ARSG: variants seen among roughly 807,000 people sequenced by gnomAD.
ARSG encodes ASG.
ARSG carries 37 observed loss-of-function variants against 50.5 expected under a neutral mutation model. That is an observed-to-expected ratio of 0.73 (90% confidence interval 0.56 to 0.96). ARSG has a LOEUF of 0.96. Among genes scored for constraint, ARSG ranks in the 50% least tolerant of loss-of-function variants. ARSG has a pLI of 0.00. For missense variants in ARSG, 629 were observed against 675.3 expected, an observed-to-expected ratio of 0.93 and a Z score of 0.76; for synonymous variants, 225 against 254.6, an observed-to-expected ratio of 0.88 and a Z score of 1.11.
intron 1 of ARSG, among the ~76,000 whole-genome samples, chr17:68,292,303 A>C (rs1480049871): frequency 6.6e-6 from 1 of 152,104 alleles, no homozygotes. Context: ...AGCCCTCTGT[A>C]AGGGACCTGG....
intron 6 of ARSG, among the ~76,000 whole-genome samples, chr17:68,366,454 G>A (rs958793793): frequency 2.0e-5 from 3 of 152,098 alleles, no homozygotes; most frequent in African/African-American, 7.2e-5. Context: ...ATTGTAAGCT[G>A]GAAATAAGGA....
intron 3 of ARSG, 21 bp downstream of exon 3, chr17:68,343,812 C>T (rs762524328): frequency 1.3e-6 from 2 of 1,589,350 alleles, no homozygotes; most frequent in Non-Finnish European, 1.7e-6. Context: ...GCCCCGTCTG[C>T]CTGTTGCATT....
At chr17:68,438,276 C>A in the ARSG span, among the ~76,000 whole-genome samples, 1 of 152,110 alleles carries the variant, frequency 6.6e-6, no homozygotes, top group African/African-American at 2.4e-5. Context: ...GATACAAGGT[C>A]ATTCCTGGCC....
intron 9 of ARSG, among the ~76,000 whole-genome samples, chr17:68,385,571 GGGAGA>G (rs2080677697): frequency 7.6e-6 from 1 of 131,024 alleles, no homozygotes; most frequent in South Asian, 3.2e-4. Flanking sequence ...GGGAGGGGAG[GGGAGA>G]GGAGGGGAGG....
the ARSG span, among the ~76,000 whole-genome samples, chr17:68,446,104 A>G: frequency 6.6e-6 from 1 of 152,182 alleles, no homozygotes; most frequent in Non-Finnish European, 1.5e-5. Context: ...GCTATTCCCC[A>G]AGGAAGACTA....
Position 68,307,570 on chromosome 17 carries a change from G to A in ARSG, c.77G>A (p.Cys26Tyr). Residue 26 changes from cysteine to tyrosine, a missense_variant, in exon 2 of 12, where the codon TGC (cysteine) becomes TAC (tyrosine). Coordinates refer to ENST00000621439, the MANE Select transcript of ARSG (RefSeq NM_001267727.2). Reference sequence around the variant, plus strand: ...TTTCTTTATCCTCTTGTGGATTTTTGCATCAGTGGGAAAACAAGAGGACAG... The same window carrying A: ...TTTCTTTATCCTCTTGTGGATTTTTACATCAGTGGGAAAACAAGAGGACAG... ...SGFLYPLVDF[C>Y]ISGKTRGQKP... 6.2e-7 allele frequency: 1 copy of A among 1,614,066 alleles called. No homozygotes were observed. The highest frequency in any genetic ancestry group is 1.7e-5 in the Admixed American group (1 of 60,004).
chr17:68,264,248 C>A (rs782545316), intron 1 of ARSG, among the ~76,000 whole-genome samples: 6 of 152,176 alleles, frequency 3.9e-5, no homozygotes, highest in African/African-American at 7.2e-5. Context: ...TGATTTGAAT[C>A]TGCGCCACAA....
chr17:68,345,878 T>C (rs577909606), intron 3 of ARSG, among the ~76,000 whole-genome samples: 1 of 152,292 alleles, frequency 6.6e-6, no homozygotes, highest in Admixed American at 6.5e-5. Context: ...TTTCTCTCAA[T>C]CTTTTTTATT....
intron 2 of ARSG, among the ~76,000 whole-genome samples, chr17:68,332,834 T>C (rs1362381722): frequency 6.6e-6 from 1 of 152,184 alleles, no homozygotes; most frequent in Non-Finnish European, 1.5e-5. Flanking sequence ...TCCATGAATT[T>C]TGAAGCTGGT....
chr17:68,398,431 A>G (rs777272835), intron 10 of ARSG, among the ~76,000 whole-genome samples: 19 of 152,224 alleles, frequency 1.2e-4, no homozygotes, highest in Admixed American at 5.2e-4. Context: ...ATACACATAC[A>G]TATGTGTACA....
chr17:68,317,291 C>T (rs1215229820), intron 2 of ARSG, among the ~76,000 whole-genome samples: 1 of 152,058 alleles, frequency 6.6e-6, no homozygotes, highest in African/African-American at 2.4e-5. Flanking sequence ...TTTACAGTAG[C>T]CCAGGTCAAA....
chr17:68,313,105 C>CA (rs571914007), intron 2 of ARSG, among the ~76,000 whole-genome samples: 1 of 151,932 alleles, frequency 6.6e-6, no homozygotes, highest in East Asian at 1.9e-4. Context: ...ACTAAAAATA[C>CA]AAAAAATTAG....
chr17:68,276,905 A>G (rs2075541617), intron 1 of ARSG, among the ~76,000 whole-genome samples: 1 of 152,174 alleles, frequency 6.6e-6, no homozygotes, highest in South Asian at 2.1e-4. Context: ...TAAAAATGAT[A>G]CTGAAGCCCC....
chr17:68,441,853 A>G, the ARSG span, among the ~76,000 whole-genome samples: 1 of 152,214 alleles, frequency 6.6e-6, no homozygotes, highest in African/African-American at 2.4e-5. Flanking sequence ...ACCTTGGGCT[A>G]TATCTCCAAA....
At chr17:68,337,987 T>C (rs1405731653) in intron 2 of ARSG, among the ~76,000 whole-genome samples, 2 of 152,114 alleles carry the variant, frequency 1.3e-5, no homozygotes, top group African/African-American at 4.8e-5. Flanking sequence ...GAAACTTCTG[T>C]TTCAGGCAGG....
chr17:68,349,322 C>G (rs753641194), intron 4 of ARSG, among the ~76,000 whole-genome samples: 3 of 151,990 alleles, frequency 2.0e-5, no homozygotes, highest in Admixed American at 6.6e-5. Flanking sequence ...AAGAAAACAG[C>G]CAATATGTAC....
chr17:68,349,199 G>T (rs1325855595), intron 4 of ARSG, among the ~76,000 whole-genome samples: 3 of 152,140 alleles, frequency 2.0e-5, no homozygotes, highest in African/African-American at 7.2e-5. Flanking sequence ...TTGGGAGGCT[G>T]AGGCAGGGGA....
chr17:68,426,237 G>C, downstream of ARSG: 3 of 1,228,310 alleles, frequency 2.4e-6, no homozygotes, highest in Non-Finnish European at 3.5e-6. Flanking sequence ...CCATGACCTG[G>C]CGGGTGGGGA....
intron 2 of ARSG, among the ~76,000 whole-genome samples, chr17:68,316,845 C>T (rs1416086611): frequency 2.6e-5 from 4 of 152,138 alleles, no homozygotes; most frequent in Non-Finnish European, 5.9e-5. Flanking sequence ...GGCCTGTTTT[C>T]TCAGCGTCTG....
Sources: allele counts gnomAD v4.1 joint callset (sites outside exome capture counted in the v4.1 genomes callset), GRCh38; gene constraint gnomAD v4.1.1; transcripts MANE v1.5; gene names NCBI Gene and HGNC (gene_info 2026-07-23, HGNC 2026-07-21).